STPG2: variants seen among roughly 807,000 people sequenced by gnomAD.
The protein encoded by STPG2 is sperm-tail PG-rich repeat-containing protein 2.
Under a neutral mutation model 54.2 loss-of-function variants are expected in STPG2, and 56 were observed. The observed-to-expected ratio is 1.03, with a 90% confidence interval of 0.83 to 1.29. The LOEUF is 1.29. STPG2 is among the 50% of genes most tolerant of loss of function. The pLI, the probability that STPG2 is intolerant of heterozygous loss-of-function variation, is 0.00. For missense variants in STPG2, 596 were observed against 544.9 expected (o/e 1.09, Z -0.93); for synonymous variants, 200 against 181.8 (o/e 1.10, Z -0.81).
chr4:97,872,942 G>T (rs1024939433), intron 8 of STPG2, among the ~76,000 whole-genome samples: 1 of 151,216 alleles, frequency 6.6e-6, no homozygotes, highest in Non-Finnish European at 1.5e-5. Flanking sequence ...GATGAAAGCA[G>T]TAATTTCTCT....
rs1727369541 is a variant in STPG2 at position 97,800,787 on chromosome 4, C to A, written c.1204+39986G>T. Among the ~76,000 whole-genome samples the A allele has an allele frequency of 2.0e-5, 3 of 152,274 alleles. No individual in the cohort carries two copies. The South Asian group carries it at 6.2e-4, about 32-fold the overall frequency. ...TATGCCCTACCCCCAGAGTTGGAGT[C>A]TACAGAGGCAGGCAGGCCTCCTTGA... On this transcript the variant is annotated intron_variant, in intron 9 of 10. Transcript: ENST00000295268.
chr4:97,991,397 A>G (rs1735005611), intron 5 of STPG2, among the ~76,000 whole-genome samples: 2 of 150,286 alleles, frequency 1.3e-5, no homozygotes, highest in African/African-American at 4.9e-5. Flanking sequence ...GTGTATATAT[A>G]TGTGTATATA....
intron 10 of STPG2, among the ~76,000 whole-genome samples, chr4:97,682,154 C>G (rs1359440628): frequency 6.6e-6 from 1 of 151,430 alleles, no homozygotes; most frequent in Admixed American, 6.6e-5. Context: ...TTATATAGGT[C>G]ACAGTAAACT....
intron 5 of STPG2, among the ~76,000 whole-genome samples, chr4:97,996,394 A>G (rs1192534731): frequency 6.6e-6 from 1 of 152,226 alleles, no homozygotes; most frequent in African/African-American, 2.4e-5. Context: ...AACTAGCCAC[A>G]TGCAGAGGAT....
At chr4:97,964,305 T>A (rs1178149178) in intron 7 of STPG2, among the ~76,000 whole-genome samples, 3 of 152,140 alleles carry the variant, frequency 2.0e-5, no homozygotes, top group Non-Finnish European at 4.4e-5. Flanking sequence ...GGAACGTGGA[T>A]CTTTTATAAT....
intron 6 of STPG2, among the ~76,000 whole-genome samples, chr4:97,977,217 A>G (rs772186131): frequency 1.9e-4 from 29 of 152,214 alleles, no homozygotes; most frequent in Non-Finnish European, 3.8e-4. Context: ...TGACTATCAC[A>G]TTGTCTAAGA....
In STPG2 at chr4:97,794,336, A is replaced by G. The variant is rs140462387; in HGVS notation, c.1204+46437T>C. Among the ~76,000 whole-genome samples the G allele has an allele frequency of 3.3e-5, 5 of 152,260 alleles. No individual in the cohort carries two copies. In the East Asian group the frequency reaches 9.7e-4, roughly 29 times the overall value. On this transcript the variant is annotated intron_variant, in intron 9 of 10. Coordinates refer to ENST00000295268, the MANE Select transcript of STPG2 (RefSeq NM_174952.3). ...CAAGTTCAGACAATGAAAGCTTCTA[A>G]CAAAACAGAATGATGTCTTAAGTTA... is the stretch of plus-strand genomic sequence containing the variant.
chr4:97,730,826 T>A (rs887457992), intron 9 of STPG2, among the ~76,000 whole-genome samples: 2 of 152,222 alleles, frequency 1.3e-5, no homozygotes, highest in African/African-American at 4.8e-5. Flanking sequence ...AACTTCATTA[T>A]GAAATCCCTG....
At chr4:97,833,669 AT>A (rs1286002395) in intron 9 of STPG2, among the ~76,000 whole-genome samples, 16 of 152,168 alleles carry the variant, frequency 1.1e-4, no homozygotes, top group African/African-American at 2.9e-4. Flanking sequence ...ATAAAAAAAA[AT>A]AACCCCATCA....
intron 10 of STPG2, among the ~76,000 whole-genome samples, chr4:97,689,484 C>A (rs780994856): frequency 6.6e-6 from 1 of 151,908 alleles, no homozygotes; most frequent in Non-Finnish European, 1.5e-5. Context: ...GTGATACTTG[C>A]GATTTTGTAT....
chr4:98,064,687 G>A (rs1269100992), intron 5 of STPG2, among the ~76,000 whole-genome samples: 2 of 152,098 alleles, frequency 1.3e-5, no homozygotes, highest in African/African-American at 4.8e-5. Flanking sequence ...CAAGAAAGTT[G>A]CATACTTGCA....
At chr4:97,717,076 C>T (rs1015509645) in intron 9 of STPG2, among the ~76,000 whole-genome samples, 1 of 152,036 alleles carries the variant, frequency 6.6e-6, no homozygotes, top group African/African-American at 2.4e-5. Flanking sequence ...GCCAGAGACA[C>T]ATTTAGGTTT....
rs147667418 is a variant in STPG2 at position 97,530,449 on chromosome 4, A to C, written c.462+182250T>G. Among the ~76,000 whole-genome samples the C allele has an allele frequency of 4.1e-3, 631 of 152,284 alleles. 3 individuals carry two copies. The highest frequency in any genetic ancestry group is 0.02 in the South Asian group (97 of 4,824). ...CCAATGCTTAGGTAAATGTCTTAAA[A>C]ATTCTAAACATTTTAAATCTTTTAG... On this transcript the variant is annotated intron_variant, in intron 4 of 4. Coordinates refer to the STPG2 transcript ENST00000522676.
chr4:97,736,515 G>A (rs1372882691), intron 9 of STPG2, among the ~76,000 whole-genome samples: 9 of 152,138 alleles, frequency 5.9e-5, no homozygotes, highest in East Asian at 1.9e-4. Context: ...CCATTACTGC[G>A]CTTTTCCAAC....
intron 8 of STPG2, among the ~76,000 whole-genome samples, chr4:97,861,146 A>G (rs1020455005): frequency 2.0e-5 from 3 of 152,204 alleles, no homozygotes; most frequent in Non-Finnish European, 2.9e-5. Flanking sequence ...ACTCTATAGG[A>G]AAAATACAAT....
chr4:98,099,731 C>A (rs1896156), intron 5 of STPG2, among the ~76,000 whole-genome samples: 1 of 151,716 alleles, frequency 6.6e-6, no homozygotes. Context: ...TCTCATGTAC[C>A]CCATAAAAAT....
rs995678303 is a variant in STPG2, at chr4:98,006,732, C to A, written c.613-25414G>T. ...TTTACCTAGGTAGCAAGATTTGAGGCCAAGGATAGCTTTGTGATCTAAAGC... is the reference window on the plus strand; with the variant it reads ...TTTACCTAGGTAGCAAGATTTGAGGACAAGGATAGCTTTGTGATCTAAAGC... On this transcript the variant is annotated intron_variant, in intron 5 of 10. Coordinates refer to ENST00000295268, the MANE Select transcript of STPG2 (RefSeq NM_174952.3). 2.6e-5 allele frequency among the ~76,000 whole-genome samples: 4 copies of A among 152,272 alleles called. No individual in the cohort carries two copies. The South Asian group carries it at 8.3e-4, about 32-fold the overall frequency.
At chr4:97,761,046 T>A (rs1286748245) in intron 9 of STPG2, among the ~76,000 whole-genome samples, 2 of 152,124 alleles carry the variant, frequency 1.3e-5, no homozygotes, top group Non-Finnish European at 2.9e-5. Context: ...TAAAAACCTA[T>A]GAGACTACAT....
chr4:97,524,515 C>T (rs1054750106), intron 4 of STPG2, among the ~76,000 whole-genome samples: 3 of 151,916 alleles, frequency 2.0e-5, no homozygotes, highest in African/African-American at 4.8e-5. Context: ...GTCTTATTGC[C>T]TTCTATTCAC....
Sources: gnomAD v4.1 joint callset for allele counts (sites outside exome capture counted in the v4.1 genomes callset) on GRCh38, gnomAD v4.1.1 for gene constraint, MANE v1.5 for transcripts, NCBI Gene and HGNC (gene_info 2026-07-23, HGNC 2026-07-21) for gene names.